Variants in ALDH1A3 observed in about 807,000 individuals in gnomAD.
The protein encoded by ALDH1A3 is aldehyde dehydrogenase 1 family member A3.
A neutral mutation model predicts 57.5 loss-of-function variants in ALDH1A3; 28 were observed. The ratio of observed to expected loss-of-function variants is 0.49; its 90% confidence interval spans 0.36 to 0.67. The LOEUF (loss-of-function observed/expected upper bound fraction) is 0.67. ALDH1A3 is among the 30% of genes least tolerant of loss of function. The pLI is 0.00. For synonymous variants in ALDH1A3, 281 were observed against 264.8 expected (o/e 1.06, Z -0.59); for missense variants, 507 against 669.4 (o/e 0.76, Z 2.68).
At chr15:100,905,002 A>T (rs909460859) in intron 9 of ALDH1A3, among the ~76,000 whole-genome samples, 1 of 152,238 alleles carries the variant, frequency 6.6e-6, no homozygotes, top group Non-Finnish European at 1.5e-5. Context: ...CAGGGTTGCC[A>T]GGTGATACAT....
chr15:100,897,414 C>A (rs573405624), intron 7 of ALDH1A3, among the ~76,000 whole-genome samples: 1 of 152,362 alleles, frequency 6.6e-6, no homozygotes, highest in Non-Finnish European at 1.5e-5. Context: ...TGGGCCAGCC[C>A]TCCCCTCCAG....
chr15:100,879,889 C>G lies in ALDH1A3; in HGVS notation c.-19C>G. ...CGCCGCAGACTAGGGCGCCTCGGGC[C>G]AGGGAGCGCGGAGGAGCCATGGCCA... On this transcript the variant is annotated 5_prime_UTR_variant, in exon 1 of 13. Transcript: ENST00000329841. 7.2e-7 allele frequency: 1 copy of G among 1,395,312 alleles called. No homozygotes were observed. The highest frequency in any genetic ancestry group is 9.4e-7 in the Non-Finnish European group (1 of 1,069,134). 86.4% of individuals were successfully genotyped at this position (1,395,312 alleles called of 1,614,324 possible). A position where few individuals can be genotyped will look rare whatever the true frequency, so the allele number is the denominator to read the frequency against.
At chr15:100,905,112 G>T (rs2141568153) in intron 9 of ALDH1A3, among the ~76,000 whole-genome samples, 1 of 152,252 alleles carries the variant, frequency 6.6e-6, no homozygotes, top group South Asian at 2.1e-4. Flanking sequence ...AAAATTATGT[G>T]TCATTTTTCT....
chr15:100,907,180 A>G lies in ALDH1A3; in HGVS notation c.1293A>G (p.Arg431=), dbSNP rs767447083. 1.3e-4 allele frequency: 215 copies of G among 1,614,098 alleles called. No individual in the cohort carries two copies. The highest frequency in any genetic ancestry group is 1.7e-4 in the Non-Finnish European group (202 of 1,180,032). ...AAAGTATCGAAGAAGTGATAAAAAG[A>G]GCGAATAGCACCGACTATGGACTCA... The part of the protein sequence containing the change: ...KFKSIEEVIK[R]ANSTDYGLTA... The change falls in exon 11 of 13, where the codon AGA becomes AGG. Residue 431 remains arginine (R), a synonymous_variant. Transcript: ENST00000329841.
chr15:100,900,569 C>G lies in ALDH1A3; in HGVS notation c.884-6C>G, dbSNP rs4646673. The G allele has an allele frequency of 1.9e-6, 3 of 1,576,276 alleles. No individual in the cohort carries two copies. The highest frequency in any genetic ancestry group is 2.6e-6 in the Non-Finnish European group (3 of 1,159,800). On this transcript the variant is annotated splice_region_variant and splice_polypyrimidine_tract_variant and intron_variant, in intron 8 of 12. Transcript: ENST00000329841. ...CTGCCCGCCTCCCTCGCCCCTCCCC[C>G]TCCAGTGGACTTGGCAGTGGAGTGT... is the stretch of plus-strand genomic sequence containing the variant.
intron 6 of ALDH1A3, chr15:100,895,268 G>A (rs2041688640): frequency 6.6e-6 from 1 of 151,988 alleles, no homozygotes. Flanking sequence ...GGCTAACACA[G>A]TGAAACCCCA....
At chr15:100,891,832 C>T (rs1284588645) in intron 3 of ALDH1A3, among the ~76,000 whole-genome samples, 1 of 152,224 alleles carries the variant, frequency 6.6e-6, no homozygotes, top group Non-Finnish European at 1.5e-5. Context: ...GAAAAGAATC[C>T]CTGCCATTGA....
chr15:100,880,271 C>A lies in ALDH1A3; in HGVS notation c.99+265C>A, dbSNP rs1033493001. 4.4e-5 allele frequency: 17 copies of A among 385,528 alleles called. 1 individual carries two copies. The highest frequency in any genetic ancestry group is 1.3e-4 in the South Asian group (1 of 7,546). The allele number at this position is 385,528 out of a possible 1,614,324, so 23.9% of individuals were successfully genotyped here. On this transcript the variant is annotated intron_variant, in intron 1 of 12. Coordinates refer to ENST00000329841, the MANE Select transcript of ALDH1A3 (RefSeq NM_000693.4). The stretch of plus-strand genomic sequence containing the variant: ...AGCGCCCGCGCGGGGCCGGGCCGCC[C>A]GCATCCCTGCGAGGCCCCGACGTGT...
chr15:100,888,079 A>G (rs28615197), intron 3 of ALDH1A3, among the ~76,000 whole-genome samples: 2 of 151,948 alleles, frequency 1.3e-5, no homozygotes, highest in South Asian at 2.1e-4. Flanking sequence ...TTTTTTGTAT[A>G]AACTTCCTTT....
Position 100,894,182 on chromosome 15 carries a change from C to CAATCGAGT in ALDH1A3, c.666+101_666+108dup. Reference sequence around the variant, plus strand: ...AGATGGGACAGTGGCAGACTGCTGGCAATCGAGTGGGAAGGGAATGACTTC... The same window carrying CAATCGAGT: ...AGATGGGACAGTGGCAGACTGCTGGCAATCGAGTAATCGAGTGGGAAGGGAATGACTTC... On this transcript the variant is annotated intron_variant, in intron 6 of 12. Transcript: ENST00000329841. This position sits in a 1 kb window ranked among gnomAD's most constrained non-coding sequence, Gnocchi z 4.5. 1 of 1,436,082 alleles carries CAATCGAGT rather than the reference C, an allele frequency of 7.0e-7. No individual in the cohort carries two copies. Among genetic ancestry groups the CAATCGAGT allele is most frequent in the African/African-American group, 1.4e-5 (1 of 70,766 alleles). The allele number at this position is 1,436,082 out of a possible 1,614,324, so 89.0% of individuals were successfully genotyped here.
chr15:100,913,650 A>G (rs2041904285), intron 12 of ALDH1A3: 1 of 152,240 alleles, frequency 6.6e-6, no homozygotes, highest in South Asian at 2.1e-4. Flanking sequence ...CTGTAGCCCA[A>G]CATATTCACA....
At chr15:100,898,260 T>C (rs1222779790) in intron 8 of ALDH1A3, 75 bp downstream of exon 8, 1 of 1,335,444 alleles carries the variant, frequency 7.5e-7, no homozygotes, top group Middle Eastern at 2.0e-4. Flanking sequence ...CTGGCCTGAA[T>C]TCAAAACCAA....
At position 100,895,882 on chromosome 15, in the gene ALDH1A3, G is replaced by A. The variant is rs76136338; in HGVS notation, c.667-51G>A. On this transcript the variant is annotated intron_variant, in intron 6 of 12. Transcript: ENST00000329841. ...GCTCTCTCGGCCCAAATGTGGATCC[G>A]TGGTGGATGAAGTCCGTTCTTCTTC... 2.2e-3 allele frequency: 3,309 copies of A among 1,481,986 alleles called. 45 individuals carry two copies. The African/African-American group carries it at 0.033, about 15-fold the overall frequency. 91.8% of individuals were successfully genotyped at this position (1,481,986 alleles called of 1,614,324 possible).
chr15:100,907,220 A>C lies in ALDH1A3; in HGVS notation c.1333A>C (p.Thr445Pro). 1 of 1,614,224 alleles carries C rather than the reference A, an allele frequency of 6.2e-7. No individual in the cohort carries two copies. Among genetic ancestry groups the C allele is most frequent in the Non-Finnish European group, 8.5e-7 (1 of 1,180,028 alleles). ...TDYGLTAAVF[T>P]KNLDKALKLA... ...CTATGGACTCACAGCAGCCGTGTTC[A>C]CAAAAAATCTCGACAAAGCCCTGAA... The change falls in exon 11 of 13, where the codon ACA becomes CCA. Residue 445 changes from threonine to proline, a missense_variant. Around this residue, in one of 2 missense-constraint regions of ALDH1A3, gnomAD observed 432 missense variants for 608.4 expected, o/e 0.71. Transcript: ENST00000329841.
chr15:100,893,038 A>T lies in ALDH1A3; in HGVS notation c.537+32A>T. On this transcript the variant is annotated intron_variant, in intron 5 of 12. Transcript: ENST00000329841. This position sits in a 1 kb window ranked among gnomAD's most constrained non-coding sequence, Gnocchi z 4.8. ...ATGGCAGCCTTTCTCAGTAGATTCT[A>T]TGTAGATCCTGCCCCACTGCCCTGT... The T allele has an allele frequency of 6.3e-7, 1 of 1,592,194 alleles. No homozygotes were observed.
In ALDH1A3 at chr15:100,893,642, GAA is replaced by G; in HGVS notation, c.538-311_538-310del. On this transcript the variant is annotated intron_variant, in intron 5 of 12. Transcript: ENST00000329841. The surrounding 1 kb of genome is among the most constrained non-coding windows in gnomAD (Gnocchi z 4.8). Reference sequence around the variant, plus strand: ...AAGCTGAAGAGCCAGGTGGCAACATGAAGTGAGGGTTCAAAAAGTGCCCATGG... The same window carrying G: ...AAGCTGAAGAGCCAGGTGGCAACATGGTGAGGGTTCAAAAAGTGCCCATGG... 1.6e-5 allele frequency: 4 copies of G among 254,562 alleles called. No individual in the cohort carries two copies. Among genetic ancestry groups the G allele is most frequent in the South Asian group, 1.1e-4 (1 of 8,884 alleles). The allele number at this position is 254,562 out of a possible 1,614,324, so 15.8% of individuals were successfully genotyped here.
chr15:100,890,241 G>A (rs531763285), intron 3 of ALDH1A3, among the ~76,000 whole-genome samples: 3 of 152,150 alleles, frequency 2.0e-5, no homozygotes, highest in African/African-American at 4.8e-5. Flanking sequence ...AGTATCTGAG[G>A]GTTCTGATGT....
At chr15:100,880,564 G>T in intron 1 of ALDH1A3, 1 of 213,844 alleles carries the variant, frequency 4.7e-6, no homozygotes, top group Admixed American at 5.9e-5. Flanking sequence ...CGGCTCAGCA[G>T]CAGAACGAGG....
intron 2 of ALDH1A3, 39 bp downstream of exon 2, chr15:100,885,410 T>C: frequency 7.0e-7 from 1 of 1,430,098 alleles, no homozygotes. Flanking sequence ...GTAATTCAAT[T>C]ATGGATGACC....
Sources: gnomAD v4.1 joint callset for allele counts (sites outside exome capture counted in the v4.1 genomes callset) on GRCh38, gnomAD v4.1.1 for gene constraint, gnomAD v4.1.1 regional missense constraint, Gnocchi (gnomAD v3.1) non-coding constraint, MANE v1.5 for transcripts, NCBI Gene and HGNC (gene_info 2026-07-23, HGNC 2026-07-21) for gene names.